HPSE2: variants seen among roughly 807,000 people sequenced by gnomAD.
The protein encoded by HPSE2 is inactive heparanase-2.
Under a neutral mutation model 60.5 loss-of-function variants are expected in HPSE2, and 38 were observed. The observed-to-expected ratio is 0.63, with a 90% CI of 0.48 to 0.82. The LOEUF is 0.82. Ranked by LOEUF, HPSE2 falls within the 40% of genes least tolerant of loss-of-function variation. The pLI is 0.00. For missense variants in HPSE2, 713 were observed against 740.4 expected, an observed-to-expected ratio of 0.96 and a Z score of 0.43; for synonymous variants, 295 against 293.2, an observed-to-expected ratio of 1.01 and a Z score of -0.06.
chr10:99,079,098 GGCTATGAGAGTGT>G (rs1345052665), intron 3 of HPSE2, among the ~76,000 whole-genome samples: 3 of 152,090 alleles, frequency 2.0e-5, no homozygotes, highest in African/African-American at 4.8e-5. Context: ...CATGGAAAGC[GGCTATGAGAGTGT>G]GCTAGTTCAA....
intron 3 of HPSE2, among the ~76,000 whole-genome samples, chr10:99,009,535 T>G (rs1956966695): frequency 6.6e-6 from 1 of 152,194 alleles, no homozygotes; most frequent in Non-Finnish European, 1.5e-5. Flanking sequence ...CTGGAAGTAC[T>G]GATTCAACAG....
chr10:98,472,754 G>C (rs1442470062), intron 11 of HPSE2, among the ~76,000 whole-genome samples: 1 of 152,180 alleles, frequency 6.6e-6, no homozygotes, highest in African/African-American at 2.4e-5. Flanking sequence ...ACACATATAA[G>C]TAGAATGGAA....
chr10:99,036,598 G>GA (rs1320421440), intron 3 of HPSE2, among the ~76,000 whole-genome samples: 1 of 152,042 alleles, frequency 6.6e-6, no homozygotes, highest in Non-Finnish European at 1.5e-5. Context: ...TCTTACAGAA[G>GA]AATTTCAAAT....
At chr10:98,912,714 T>C (rs1332443485) in intron 3 of HPSE2, among the ~76,000 whole-genome samples, 1 of 152,128 alleles carries the variant, frequency 6.6e-6, no homozygotes, top group Non-Finnish European at 1.5e-5. Flanking sequence ...CACTTATTTG[T>C]GGGATCCAAA....
intron 2 of HPSE2, among the ~76,000 whole-genome samples, chr10:99,175,296 G>A (rs1847480769): frequency 6.6e-6 from 1 of 152,148 alleles, no homozygotes; most frequent in South Asian, 2.1e-4. Flanking sequence ...CAGAAAGGGG[G>A]CTGAAACCAG....
the HPSE2 span, among the ~76,000 whole-genome samples, chr10:99,304,418 G>A: frequency 6.6e-6 from 1 of 152,216 alleles, no homozygotes; most frequent in Non-Finnish European, 1.5e-5. Context: ...GCCCTGCTCT[G>A]CAGGAGCTTC....
chr10:98,752,350 C>T (rs990894529), intron 3 of HPSE2, among the ~76,000 whole-genome samples: 2 of 152,110 alleles, frequency 1.3e-5, no homozygotes, highest in African/African-American at 2.4e-5. Flanking sequence ...AAAGTAAAGA[C>T]AGACAAATTT....
intron 3 of HPSE2, among the ~76,000 whole-genome samples, chr10:98,830,149 C>A (rs1260059268): frequency 6.6e-6 from 1 of 152,112 alleles, no homozygotes; most frequent in African/African-American, 2.4e-5. Context: ...GGTGTTAGTC[C>A]ATAAATACTA....
intron 2 of HPSE2, among the ~76,000 whole-genome samples, chr10:99,230,393 G>A (rs1311817727): frequency 1.3e-5 from 2 of 152,124 alleles, no homozygotes; most frequent in Non-Finnish European, 2.9e-5. Flanking sequence ...TCCCCTATGA[G>A]TGGTGAAAAA....
intron 9 of HPSE2, among the ~76,000 whole-genome samples, chr10:98,579,188 A>G (rs1944723130): frequency 6.6e-6 from 1 of 152,148 alleles, no homozygotes; most frequent in Non-Finnish European, 1.5e-5. Context: ...TCCCATAAGT[A>G]AAGAAGGATA....
chr10:99,090,905 CTTAT>C (rs1351914234), intron 3 of HPSE2, among the ~76,000 whole-genome samples: 1 of 152,062 alleles, frequency 6.6e-6, no homozygotes, highest in African/African-American at 2.4e-5. Context: ...AATTCTTATG[CTTAT>C]TTACTTTTGA....
At chr10:99,234,911 C>G (rs1283960643) in intron 1 of HPSE2, among the ~76,000 whole-genome samples, 1 of 152,078 alleles carries the variant, frequency 6.6e-6, no homozygotes, top group Non-Finnish European at 1.5e-5. Flanking sequence ...GTCCTGAAGT[C>G]TGGAAATGAC....
chr10:98,960,588 A>G (rs1041377866), intron 3 of HPSE2, among the ~76,000 whole-genome samples: 2 of 151,578 alleles, frequency 1.3e-5, no homozygotes, highest in African/African-American at 4.8e-5. Context: ...GTATCCCCCT[A>G]CTACCCCAAG....
chr10:98,776,900 A>G (rs1206539186), intron 3 of HPSE2, among the ~76,000 whole-genome samples: 1 of 152,230 alleles, frequency 6.6e-6, no homozygotes, highest in East Asian at 1.9e-4. Context: ...ATGCATGCTA[A>G]GGGCTAAAAT....
chr10:98,631,211 C>T (rs982260995), intron 7 of HPSE2, among the ~76,000 whole-genome samples: 2 of 152,160 alleles, frequency 1.3e-5, no homozygotes, highest in Non-Finnish European at 2.9e-5. Flanking sequence ...AAATTCCATT[C>T]TCTGCACTTG....
intron 9 of HPSE2, among the ~76,000 whole-genome samples, chr10:98,570,263 C>T (rs1238661568): frequency 2.0e-5 from 3 of 152,156 alleles, no homozygotes; most frequent in Non-Finnish European, 4.4e-5. Context: ...GCTCAGCTTG[C>T]TGTCTGTTGT....
chr10:98,718,179 T>C (rs1238620216), intron 5 of HPSE2, among the ~76,000 whole-genome samples: 1 of 152,156 alleles, frequency 6.6e-6, no homozygotes, highest in African/African-American at 2.4e-5. Context: ...TAACTCTAAA[T>C]AGTAATTCTC....
the HPSE2 span, among the ~76,000 whole-genome samples, chr10:99,303,731 C>G: frequency 6.6e-6 from 1 of 152,222 alleles, no homozygotes; most frequent in Non-Finnish European, 1.5e-5. Flanking sequence ...AATCAACACT[C>G]AGCCAGAAGT....
intron 2 of HPSE2, among the ~76,000 whole-genome samples, chr10:99,153,671 T>G (rs1374618892): frequency 6.6e-6 from 1 of 152,050 alleles, no homozygotes; most frequent in East Asian, 1.9e-4. Flanking sequence ...GCAGAAAAAC[T>G]GGAAATTCTA....
Sources: allele counts gnomAD v4.1 joint callset (sites outside exome capture counted in the v4.1 genomes callset), GRCh38; gene constraint gnomAD v4.1.1; transcripts MANE v1.5; gene names NCBI Gene and HGNC (gene_info 2026-07-23, HGNC 2026-07-21).